Variants in SULF1 observed in about 807,000 individuals in gnomAD.
The protein encoded by SULF1 is extracellular sulfatase Sulf-1.
SULF1 carries 46 observed loss-of-function variants against 110.5 expected under a neutral mutation model. The observed-to-expected ratio is 0.42, with a 90% CI of 0.33 to 0.53. The LOEUF (loss-of-function observed/expected upper bound fraction) is 0.53. Ranked by LOEUF, SULF1 falls within the 20% of genes least tolerant of loss-of-function variation. The pLI is 0.12. For synonymous variants in SULF1, 371 were observed against 387.1 expected (o/e 0.96, Z 0.49); for missense variants, 941 against 1,094.2 (o/e 0.86, Z 1.98).
At chr8:69,592,165 G>T (rs1806955552) in intron 8 of SULF1, among the ~76,000 whole-genome samples, 1 of 152,180 alleles carries the variant, frequency 6.6e-6, no homozygotes, top group South Asian at 2.1e-4. Context: ...TAGAGATTGG[G>T]TTTCAGGAAG....
intron 1 of SULF1, 95 bp downstream of exon 1, chr8:69,493,220 ATAT>A (rs1009088018): frequency 1.3e-5 from 2 of 152,510 alleles, no homozygotes; most frequent in African/African-American, 2.4e-5. Flanking sequence ...ATTATTCATC[ATAT>A]TATTATTCAT....
chr8:69,533,206 T>G (rs1813219055), intron 3 of SULF1, among the ~76,000 whole-genome samples: 1 of 152,194 alleles, frequency 6.6e-6, no homozygotes, highest in Non-Finnish European at 1.5e-5. Flanking sequence ...CTTGGACCAT[T>G]TGTTCCAAAA....
intron 22 of SULF1, among the ~76,000 whole-genome samples, chr8:69,654,681 GC>G (rs1385569231): frequency 2.0e-5 from 3 of 152,178 alleles, no homozygotes; most frequent in Non-Finnish European, 4.4e-5. Context: ...ATCCTCTCCT[GC>G]CCCCTCTCCT....
At chr8:69,642,512 C>G in intron 22 of SULF1, 4 of 563,556 alleles carry the variant, frequency 7.1e-6, no homozygotes, top group Non-Finnish European at 9.0e-6. Context: ...GCAGAAGACC[C>G]CATCCTTGAG....
chr8:69,602,648 C>T (rs1241449028), intron 10 of SULF1, among the ~76,000 whole-genome samples: 1 of 152,166 alleles, frequency 6.6e-6, no homozygotes, highest in Admixed American at 6.5e-5. Context: ...TGTGCTGCTG[C>T]ATCATACTAC....
intron 22 of SULF1, among the ~76,000 whole-genome samples, chr8:69,656,245 C>T (rs1160846253): frequency 6.6e-6 from 1 of 152,154 alleles, no homozygotes; most frequent in East Asian, 1.9e-4. Context: ...TTTATTTCGC[C>T]AGGAGCATTT....
intron 13 of SULF1, among the ~76,000 whole-genome samples, chr8:69,612,056 G>A (rs150105463): frequency 0.021 from 3,266 of 151,974 alleles, 123 homozygotes; most frequent in African/African-American, 0.075. Flanking sequence ...ATGCCTTTGC[G>A]TCCTCATAGC....
Position 69,660,686 on chromosome 8 carries a change from A to G in SULF1, c.*2151A>G, listed in dbSNP as rs868248009. 1 of 152,648 alleles carries G rather than the reference A, an allele frequency of 6.6e-6. No homozygotes were observed. The highest frequency in any genetic ancestry group is 2.4e-5 in the African/African-American group (1 of 41,460). The allele number at this position is 152,648 out of a possible 1,614,324, so 9.5% of individuals were successfully genotyped here. A position where few individuals can be genotyped will look rare whatever the true frequency, so the allele number is the denominator to read the frequency against. ...TAAATCTTTATCATAGACTCTGTAC[A>G]TATGTTCAAATTAGCTGCTTGCCTG... On this transcript the variant is annotated 3_prime_UTR_variant, in exon 23 of 23. Transcript: ENST00000402687.
chr8:69,545,975 G>A (rs768141414), intron 3 of SULF1, among the ~76,000 whole-genome samples: 12 of 152,158 alleles, frequency 7.9e-5, no homozygotes, highest in East Asian at 1.9e-4. Flanking sequence ...GATTACAGGC[G>A]TGAGCCACCA....
At chr8:69,598,543 C>T (rs987722809) in intron 8 of SULF1, among the ~76,000 whole-genome samples, 14 of 152,290 alleles carry the variant, frequency 9.2e-5, no homozygotes, top group African/African-American at 3.1e-4. Flanking sequence ...AGGCGCCCGC[C>T]ACCATGCCCA....
chr8:69,522,055 A>AT (rs577539672), intron 3 of SULF1, among the ~76,000 whole-genome samples: 5,852 of 144,000 alleles, frequency 0.041, 366 homozygotes, highest in African/African-American at 0.13. Context: ...ATCATGGACG[A>AT]TTTTTTTTTT....
At chr8:69,626,936 C>T (rs1336333895) in intron 15 of SULF1, among the ~76,000 whole-genome samples, 2 of 152,222 alleles carry the variant, frequency 1.3e-5, no homozygotes, top group African/African-American at 4.8e-5. Context: ...AGCAGCGGGC[C>T]GAAGGGCTCC....
chr8:69,568,931 T>C (rs1275423749), intron 5 of SULF1, among the ~76,000 whole-genome samples: 1 of 152,184 alleles, frequency 6.6e-6, no homozygotes, highest in African/African-American at 2.4e-5. Context: ...AGATGCGTTA[T>C]TTATTCTGTT....
At chr8:69,516,461 T>C (rs919685928) in intron 3 of SULF1, among the ~76,000 whole-genome samples, 8 of 151,820 alleles carry the variant, frequency 5.3e-5, no homozygotes, top group Non-Finnish European at 1.2e-4. Context: ...ACCCCCATGA[T>C]CAAATTACCG....
At chr8:69,603,079 T>G in intron 10 of SULF1, 113 bp from the exon 11 acceptor site, 387 of 1,442,936 alleles carry the variant, frequency 2.7e-4, no homozygotes, top group Non-Finnish European at 3.3e-4. Context: ...GGAGACCAGA[T>G]GAGAGGGTGA....
chr8:69,644,261 G>GT (rs989114436), intron 22 of SULF1, among the ~76,000 whole-genome samples: 4 of 152,216 alleles, frequency 2.6e-5, no homozygotes, highest in Admixed American at 2.6e-4. Context: ...CTCCTGATTA[G>GT]TTTGAGTTCA....
At chr8:69,494,061 G>T (rs547680836) in intron 1 of SULF1, among the ~76,000 whole-genome samples, 1 of 151,948 alleles carries the variant, frequency 6.6e-6, no homozygotes, top group African/African-American at 2.4e-5. Flanking sequence ...TTATAACTTG[G>T]TATGCTATGA....
intron 14 of SULF1, among the ~76,000 whole-genome samples, chr8:69,622,598 A>T (rs1485981077): frequency 2.6e-5 from 4 of 152,004 alleles, no homozygotes; most frequent in African/African-American, 9.7e-5. Flanking sequence ...AAAAAAAAAA[A>T]TTAATAAGGG....
At position 69,544,652 on chromosome 8, in the gene SULF1, C is replaced by T. The variant is rs554747830; in HGVS notation, c.-133-18887C>T. Among the ~76,000 whole-genome samples the T allele has an allele frequency of 4.0e-3, 612 of 152,246 alleles. 1 individual carries two copies. The highest frequency in any genetic ancestry group is 6.1e-3 in the Non-Finnish European group (417 of 67,996). ...TTGCTATTCAGTGAAGGCAGAATTCCTATTTTCAACTGAAAATAAAAGTCC... is the reference window on the plus strand; with the variant it reads ...TTGCTATTCAGTGAAGGCAGAATTCTTATTTTCAACTGAAAATAAAAGTCC... On this transcript the variant is annotated intron_variant, in intron 3 of 22. Transcript: ENST00000402687.
Sources: allele counts gnomAD v4.1 joint callset (sites outside exome capture counted in the v4.1 genomes callset), GRCh38; gene constraint gnomAD v4.1.1; transcripts MANE v1.5; gene names NCBI Gene and HGNC (gene_info 2026-07-23, HGNC 2026-07-21).